ACBD6: variants seen among roughly 807,000 people sequenced by gnomAD.
ACBD6 encodes acyl-CoA-binding domain-containing protein 6.
A neutral mutation model predicts 37.2 loss-of-function variants in ACBD6; 28 were observed. The ratio of observed to expected loss-of-function variants is 0.75; its 90% CI spans 0.56 to 1.03. ACBD6 has a LOEUF of 1.03. Ranked by LOEUF, ACBD6 falls within the 50% of genes least tolerant of loss-of-function variation. ACBD6 has a pLI of 0.00. For synonymous variants in ACBD6, 113 were observed against 126.8 expected (o/e 0.89, Z 0.73); for missense variants, 340 against 337.4 (o/e 1.01, Z -0.06).
In ACBD6 at chr1:180,333,775, G is replaced by A. The variant is rs565270749; in HGVS notation, c.664-19053C>T. 3.9e-5 allele frequency among the ~76,000 whole-genome samples: 6 copies of A among 152,328 alleles called. 2 individuals are homozygous for A. Among genetic ancestry groups the A allele is most frequent in the Admixed American group, 3.3e-4 (5 of 15,304 alleles). ...AATTCCCTTTCCTAGTCAAAAGAAA[G>A]GGGTGACAGCCGGCATCTGGAAAAT... On this transcript the variant is annotated intron_variant, in intron 6 of 7. Transcript: ENST00000367595.
At chr1:180,289,530 G>C (rs1649619373) in intron 7 of ACBD6, among the ~76,000 whole-genome samples, 1 of 152,160 alleles carries the variant, frequency 6.6e-6, no homozygotes, top group Non-Finnish European at 1.5e-5. Context: ...GACAACACTA[G>C]AGCATTACAG....
At chr1:180,375,720 A>G (rs1235622503) in intron 6 of ACBD6, among the ~76,000 whole-genome samples, 1 of 152,230 alleles carries the variant, frequency 6.6e-6, no homozygotes, top group Admixed American at 6.5e-5. Flanking sequence ...ACATTTCAGA[A>G]TCTAAGTGTA....
At chr1:180,410,617 T>G (rs919484219) in intron 5 of ACBD6, among the ~76,000 whole-genome samples, 1 of 152,046 alleles carries the variant, frequency 6.6e-6, no homozygotes, top group Non-Finnish European at 1.5e-5. Context: ...CTTTACAAAA[T>G]GGTTTACTGA....
chr1:180,352,597 G>A (rs1652460931), intron 6 of ACBD6, among the ~76,000 whole-genome samples: 1 of 152,192 alleles, frequency 6.6e-6, no homozygotes, highest in Non-Finnish European at 1.5e-5. Context: ...TGGCATTTGA[G>A]ACAGTGTGGA....
chr1:180,355,485 G>C (rs1446677775), intron 6 of ACBD6, among the ~76,000 whole-genome samples: 1 of 152,108 alleles, frequency 6.6e-6, no homozygotes, highest in Non-Finnish European at 1.5e-5. Flanking sequence ...TGTCATAATA[G>C]CTCACTAAAA....
intron 3 of ACBD6, among the ~76,000 whole-genome samples, chr1:180,431,294 T>G (rs1437708027): frequency 6.6e-6 from 1 of 152,114 alleles, no homozygotes; most frequent in Non-Finnish European, 1.5e-5. Flanking sequence ...TTGTAAATTT[T>G]TGAGGAGATG....
intron 3 of ACBD6, among the ~76,000 whole-genome samples, chr1:180,433,250 TCA>T (rs1258926085): frequency 1.3e-5 from 2 of 152,084 alleles, no homozygotes; most frequent in Non-Finnish European, 2.9e-5. Context: ...CAAAAATCAA[TCA>T]TATAACACAG....
intron 3 of ACBD6, among the ~76,000 whole-genome samples, chr1:180,465,107 T>C (rs1207025246): frequency 6.6e-6 from 1 of 152,016 alleles, no homozygotes; most frequent in African/African-American, 2.4e-5. Context: ...AATGCCATCC[T>C]GGACACAGCA....
intron 6 of ACBD6, among the ~76,000 whole-genome samples, chr1:180,338,931 T>C (rs1322079411): frequency 6.6e-6 from 1 of 152,216 alleles, no homozygotes; most frequent in Non-Finnish European, 1.5e-5. Flanking sequence ...CATGAAAAGA[T>C]GCTTATCATC....
At chr1:180,339,114 T>A (rs1339078270) in intron 6 of ACBD6, among the ~76,000 whole-genome samples, 1 of 152,204 alleles carries the variant, frequency 6.6e-6, no homozygotes, top group Non-Finnish European at 1.5e-5. Context: ...ATTGTGGAAG[T>A]CAGTGTGGCA....
chr1:180,315,714 G>T (rs1044156078), intron 6 of ACBD6, among the ~76,000 whole-genome samples: 1 of 152,132 alleles, frequency 6.6e-6, no homozygotes, highest in Non-Finnish European at 1.5e-5. Context: ...CTGCCACAGA[G>T]AACTTATTTT....
chr1:180,439,842 G>A (rs1649208416), intron 3 of ACBD6, among the ~76,000 whole-genome samples: 1 of 152,168 alleles, frequency 6.6e-6, no homozygotes. Context: ...TTATTGTTAA[G>A]GAGAGGAGTG....
intron 7 of ACBD6, among the ~76,000 whole-genome samples, chr1:180,307,823 C>T (rs61811564): frequency 0.015 from 2,305 of 152,208 alleles, 25 homozygotes; most frequent in Non-Finnish European, 0.021. Flanking sequence ...GGTATGGTGG[C>T]GCATGCCTGT....
At chr1:180,292,230 G>T (rs1412942147) in intron 7 of ACBD6, among the ~76,000 whole-genome samples, 5 of 151,998 alleles carry the variant, frequency 3.3e-5, no homozygotes, top group Non-Finnish European at 5.9e-5. Context: ...ATTCTGATTG[G>T]GACCCCGCTG....
intron 6 of ACBD6, among the ~76,000 whole-genome samples, chr1:180,396,165 T>A (rs140473684): frequency 8.5e-5 from 13 of 152,240 alleles, no homozygotes; most frequent in African/African-American, 3.1e-4. Flanking sequence ...GGGAAATTAG[T>A]GTTTAATGGT....
At chr1:180,386,824 T>C (rs1653864105) in intron 6 of ACBD6, among the ~76,000 whole-genome samples, 1 of 108,854 alleles carries the variant, frequency 9.2e-6, no homozygotes, top group Non-Finnish European at 2.4e-5. Context: ...GTTTCAAGAA[T>C]GTTTGTAACT....
intron 6 of ACBD6, among the ~76,000 whole-genome samples, chr1:180,378,328 G>A (rs552350011): frequency 3.3e-5 from 5 of 152,202 alleles, no homozygotes; most frequent in East Asian, 3.9e-4. Flanking sequence ...TATAAGGAAC[G>A]ACTAAGGAAC....
chr1:180,271,308 AG>A, exon 14 of ACBD6: 1 of 1,539,022 alleles, frequency 6.5e-7, no homozygotes, highest in Non-Finnish European at 9.0e-7. Context: ...AAAGGATGGA[AG>A]GGAGGGTGTG....
At position 180,488,030 on chromosome 1, in the gene ACBD6, G is replaced by C. The variant is rs1013151842; in HGVS notation, c.384+4239C>G. 2.0e-5 allele frequency among the ~76,000 whole-genome samples: 3 copies of C among 152,136 alleles called. No homozygotes were observed. The South Asian group carries it at 6.2e-4, about 32-fold the overall frequency. ...TTCTTTTTCTTAGGAAAAAAATCCT[G>C]AACCAGTGATAAAGGAACATGATGT... On this transcript the variant is annotated intron_variant, in intron 3 of 7. Coordinates refer to ENST00000367595, the MANE Select transcript of ACBD6 (RefSeq NM_032360.4).
Sources: gnomAD v4.1 joint callset for allele counts (sites outside exome capture counted in the v4.1 genomes callset) on GRCh38, gnomAD v4.1.1 for gene constraint, MANE v1.5 for transcripts, NCBI Gene and HGNC (gene_info 2026-07-23, HGNC 2026-07-21) for gene names.